DCTD: variants seen among roughly 807,000 people sequenced by gnomAD.
The protein encoded by DCTD is dCMP deaminase, also known as deoxycytidylate deaminase.
Under a neutral mutation model 21.0 loss-of-function variants are expected in DCTD, and 23 were observed. The observed-to-expected ratio is 1.09, with a 90% confidence interval of 0.79 to 1.55. The LOEUF is 1.55. Ranked by LOEUF, DCTD falls within the 40% of genes most tolerant of loss-of-function variation. The pLI, the probability that DCTD is intolerant of heterozygous loss-of-function variation, is 0.00. For synonymous variants in DCTD, 71 were observed against 81.1 expected, an observed-to-expected ratio of 0.88 and a Z score of 0.67; for missense variants, 224 against 230.0, an observed-to-expected ratio of 0.97 and a Z score of 0.17.
Position 182,893,145 on chromosome 4 carries a change from G to A in DCTD, c.362-18C>T, listed in dbSNP as rs1363636884. ...TTTTATACCTGTAAGGTAACAATGG[G>A]AGCTCCCTTAGTGTACGCACCTACA... On this transcript the variant is annotated intron_variant, in intron 4 of 5. Coordinates refer to ENST00000438320, the MANE Select transcript of DCTD (RefSeq NM_001921.3). The A allele has an allele frequency of 1.3e-6, 2 of 1,482,458 alleles. No homozygotes were observed. Among genetic ancestry groups the A allele is most frequent in the Admixed American group, 3.4e-5 (2 of 58,878 alleles). 91.8% of individuals were successfully genotyped at this position (1,482,458 alleles called of 1,614,324 possible). A position where few individuals can be genotyped will look rare whatever the true frequency, so the allele number is the denominator to read the frequency against.
At chr4:182,910,940 C>T (rs1300055378) in intron 3 of DCTD, among the ~76,000 whole-genome samples, 2 of 152,146 alleles carry the variant, frequency 1.3e-5, no homozygotes, top group Non-Finnish European at 2.9e-5. Flanking sequence ...TAATGACTTC[C>T]GACTTACGGA....
chr4:182,891,621 G>A (rs908971250), intron 5 of DCTD, 144 bp from the exon 6 acceptor site: 6 of 626,286 alleles, frequency 9.6e-6, no homozygotes, highest in Non-Finnish European at 1.4e-5. Flanking sequence ...GCCAATTATA[G>A]TGCACCATAC....
chr4:182,914,701 C>T (rs1279156743), intron 3 of DCTD, among the ~76,000 whole-genome samples: 1 of 152,186 alleles, frequency 6.6e-6, no homozygotes, highest in Non-Finnish European at 1.5e-5. Context: ...GCAGCAGAGC[C>T]CTGGATCTCA....
intron 5 of DCTD, among the ~76,000 whole-genome samples, chr4:182,892,315 C>T (rs1428611711): frequency 6.6e-6 from 1 of 152,192 alleles, no homozygotes; most frequent in Non-Finnish European, 1.5e-5. Flanking sequence ...TAGCTCACAA[C>T]CATTTCTTAG....
At chr4:182,915,879 A>G in intron 1 of DCTD, 1 of 1,136,646 alleles carries the variant, frequency 8.8e-7, no homozygotes, top group Non-Finnish European at 1.1e-6. Context: ...TGTGTCCTTT[A>G]CCTGTCTCCC....
chr4:182,913,966 GC>G (rs1738200653), intron 3 of DCTD, among the ~76,000 whole-genome samples: 1 of 150,294 alleles, frequency 6.7e-6, no homozygotes, highest in Admixed American at 6.6e-5. Flanking sequence ...TACACTTCTA[GC>G]TTTTTCTTTT....
intron 1 of DCTD, 25 bp from the exon 2 acceptor site, chr4:182,915,600 G>T (rs759688565): frequency 2.1e-5 from 29 of 1,407,826 alleles, no homozygotes; most frequent in Non-Finnish European, 2.9e-5. Flanking sequence ...TGACAAAACA[G>T]AAGTTGAGAG....
chr4:182,892,648 C>T (rs1392328641), intron 5 of DCTD, among the ~76,000 whole-genome samples: 4 of 152,122 alleles, frequency 2.6e-5, no homozygotes, highest in Non-Finnish European at 5.9e-5. Context: ...GAGAGAATCC[C>T]CAATGTTTCA....
intron 1 of DCTD, chr4:182,916,661 C>T: frequency 2.0e-6 from 2 of 1,011,316 alleles, no homozygotes; most frequent in South Asian, 6.6e-5. Context: ...CTGAATCAGC[C>T]TGGTTTCCCA....
At position 182,902,621 on chromosome 4, in the gene DCTD, G is replaced by C. The variant is rs545113643; in HGVS notation, c.245-8016C>G. On this transcript the variant is annotated intron_variant, in intron 3 of 5. Coordinates refer to ENST00000438320, the MANE Select transcript of DCTD (RefSeq NM_001921.3). ...CCAGGGGAGCAGCCCTTAGTAACAGGACTGGAGCAAGAAAATAAAACAGTT... is the reference window on the plus strand; with the variant it reads ...CCAGGGGAGCAGCCCTTAGTAACAGCACTGGAGCAAGAAAATAAAACAGTT... Among the ~76,000 whole-genome samples the C allele has an allele frequency of 1.1e-4, 16 of 152,318 alleles. No homozygotes were observed. In the South Asian group the frequency reaches 3.3e-3, roughly 32 times the overall value.
rs551022367 is a variant in DCTD, at chr4:182,904,503, G to C, written c.245-9898C>G. 3.3e-5 allele frequency among the ~76,000 whole-genome samples: 5 copies of C among 152,258 alleles called. No homozygotes were observed. In the East Asian group the frequency reaches 9.7e-4, roughly 29 times the overall value. On this transcript the variant is annotated intron_variant, in intron 3 of 5. Coordinates refer to ENST00000438320, the MANE Select transcript of DCTD (RefSeq NM_001921.3). ...AGAGGGGAACCGGGCCTGAGCACTG[G>C]GCACTGGAAGAGGAGCTGGGATGTG...
intron 3 of DCTD, among the ~76,000 whole-genome samples, chr4:182,896,979 G>C (rs1338939943): frequency 6.6e-6 from 1 of 152,060 alleles, no homozygotes; most frequent in Admixed American, 6.5e-5. Flanking sequence ...CTTTTGGATG[G>C]TGCTGGTATT....
chr4:182,914,816 C>G, intron 3 of DCTD, 107 bp downstream of exon 3: 1 of 1,310,174 alleles, frequency 7.6e-7, no homozygotes, highest in Admixed American at 1.9e-5. Context: ...ACTTTTCTTT[C>G]CAGTTGTTGA....
chr4:182,910,621 G>T (rs1217363281), intron 3 of DCTD, among the ~76,000 whole-genome samples: 1 of 151,990 alleles, frequency 6.6e-6, no homozygotes, highest in Non-Finnish European at 1.5e-5. Flanking sequence ...TCATTCATCT[G>T]AAAAGATTCT....
At position 182,890,649 on chromosome 4, in the gene DCTD, A is replaced by G. The variant is rs545050215; in HGVS notation, c.*750T>C. ...AGACAGGCTGTCTCCTCTAGGAACAACTCATTATTCAGCTAAACGAAATGG... is the reference window on the plus strand; with the variant it reads ...AGACAGGCTGTCTCCTCTAGGAACAGCTCATTATTCAGCTAAACGAAATGG... On this transcript the variant is annotated 3_prime_UTR_variant, in exon 6 of 6. Coordinates refer to ENST00000438320, the MANE Select transcript of DCTD (RefSeq NM_001921.3). The G allele has an allele frequency of 1.3e-5, 2 of 152,336 alleles. No individual in the cohort carries two copies. The highest frequency in any genetic ancestry group is 3.9e-4 in the East Asian group (2 of 5,174). The allele number at this position is 152,336 out of a possible 1,614,324, so 9.4% of individuals were successfully genotyped here.
chr4:182,913,315 A>G (rs35792362), intron 3 of DCTD, among the ~76,000 whole-genome samples: 9,517 of 152,172 alleles, frequency 0.063, 357 homozygotes, highest in East Asian at 0.11. Flanking sequence ...AGGTTAAATC[A>G]AGGATCTGAG....
chr4:182,896,057 A>G lies in DCTD; in HGVS notation c.245-1452T>C, dbSNP rs116808140. Among the ~76,000 whole-genome samples the G allele has an allele frequency of 4.1e-3, 623 of 152,344 alleles. 7 individuals carry two copies. The highest frequency in any genetic ancestry group is 0.014 in the African/African-American group (593 of 41,582). Reference sequence around the variant, plus strand: ...TAGAATATAAATATGGGAATCTTCAAGGTCTCCCCTACCCTCTCCAGCCTG... The same window carrying G: ...TAGAATATAAATATGGGAATCTTCAGGGTCTCCCCTACCCTCTCCAGCCTG... On this transcript the variant is annotated intron_variant, in intron 3 of 5. Transcript: ENST00000438320.
chr4:182,917,245 A>ACGGTGCCACGCGG lies in DCTD; in HGVS notation c.-8+53_-8+65dup, dbSNP rs1302417491. 3.0e-6 allele frequency: 3 copies of ACGGTGCCACGCGG among 1,007,310 alleles called. No individual in the cohort carries two copies. The highest frequency in any genetic ancestry group is 3.5e-6 in the Non-Finnish European group (3 of 845,812). The allele number at this position is 1,007,310 out of a possible 1,614,324, so 62.4% of individuals were successfully genotyped here. A position where few individuals can be genotyped will look rare whatever the true frequency, so the allele number is the denominator to read the frequency against. ...CAGCGCCCCGCGCCACGCGCTCGGG[A>ACGGTGCCACGCGG]CGGTGCCACGCGGCGGTGGCTAGGG... On this transcript the variant is annotated intron_variant, in intron 1 of 5. Transcript: ENST00000438320. The surrounding 1 kb of genome is among the most constrained non-coding windows in gnomAD (Gnocchi z 4.9).
chr4:182,894,730 T>C (rs969450695), intron 3 of DCTD, 125 bp from the exon 4 acceptor site: 1 of 709,898 alleles, frequency 1.4e-6, no homozygotes, highest in African/African-American at 1.8e-5. Context: ...AAACATTGAT[T>C]AGAAATGGCA....
Sources: allele counts gnomAD v4.1 joint callset (sites outside exome capture counted in the v4.1 genomes callset), GRCh38; gene constraint gnomAD v4.1.1; non-coding constraint Gnocchi (gnomAD v3.1); transcripts MANE v1.5; gene names NCBI Gene and HGNC (gene_info 2026-07-23, HGNC 2026-07-21).